The following ZNF143 variants were observed in gnomAD, a reference collection of about 807,000 sequenced individuals.
The protein encoded by ZNF143 is zinc finger protein 143, also known as SPH-binding factor.
In ZNF143, 49 loss-of-function variants were observed where a neutral mutation model predicts 74.1. That is an observed-to-expected ratio of 0.66 (90% CI 0.53 to 0.84). The LOEUF is 0.84. Among genes scored for constraint, ZNF143 ranks in the 40% least tolerant of loss-of-function variants. ZNF143 has a pLI of 0.00. For missense variants in ZNF143, 637 were observed against 793.4 expected (o/e 0.80, Z 2.37); for synonymous variants, 304 against 282.8 (o/e 1.07, Z -0.75).
At position 9,516,771 on chromosome 11, in the gene ZNF143, A is replaced by G. The variant is rs560571764; in HGVS notation, c.1686+409A>G. On this transcript the variant is annotated intron_variant, in intron 14 of 15. Transcript: ENST00000396602. ...TACAGGTATGTAATGAAAAGTCTTC[A>G]TCCCACCCCTGCCTTCATCAACTTG... is the stretch of plus-strand genomic sequence containing the variant. Among the ~76,000 whole-genome samples, 377 of 152,378 alleles carry G rather than the reference A, an allele frequency of 2.5e-3. 2 individuals carry two copies. Among genetic ancestry groups the G allele is most frequent in the Admixed American group, 4.2e-3 (65 of 15,312 alleles).
At chr11:9,519,901 A>G (rs1049027790) in intron 14 of ZNF143, among the ~76,000 whole-genome samples, 3 of 152,100 alleles carry the variant, frequency 2.0e-5, no homozygotes, top group Non-Finnish European at 2.9e-5. Context: ...TTTTTAAAAA[A>G]TAGGCTGGGC....
intron 14 of ZNF143, among the ~76,000 whole-genome samples, chr11:9,522,563 G>A (rs1021171809): frequency 1.3e-5 from 2 of 152,064 alleles, no homozygotes; most frequent in African/African-American, 4.8e-5. Context: ...GCACGCTCTC[G>A]GCTCACTGCA....
intron 1 of ZNF143, among the ~76,000 whole-genome samples, chr11:9,466,968 A>T (rs1300039021): frequency 6.6e-6 from 1 of 151,420 alleles, no homozygotes; most frequent in Non-Finnish European, 1.5e-5. Context: ...ATCTCGGCTC[A>T]CTGCAAGCTC....
intron 15 of ZNF143, among the ~76,000 whole-genome samples, chr11:9,527,163 C>T (rs535064079): frequency 2.0e-5 from 3 of 150,790 alleles, no homozygotes; most frequent in East Asian, 2.0e-4. Flanking sequence ...AGAGATGGGG[C>T]GTTTTGCCAT....
In ZNF143 at chr11:9,494,662, A is replaced by C; in HGVS notation, c.662A>C (p.His221Pro). The C allele has an allele frequency of 6.2e-7, 1 of 1,613,884 alleles. No homozygotes were observed. Residue 221 changes from histidine to proline, a missense_variant, in exon 8 of 16, where the codon CAT (histidine) becomes CCT (proline). Physicochemically the swap from His to Pro is moderately conservative, Grantham distance 77 (BLOSUM62 -2). This residue lies in a region of ZNF143 where 293 missense variants were observed against 307.8 expected (regional missense o/e 0.95). Transcript: ENST00000396602. The stretch of plus-strand genomic sequence containing the variant: ...TTTATTTAGATTGTTTTACAAGGAC[A>C]TGCTACAAGAGTAACTGCTAAATCT... Reference protein sequence around the residue: ...EKKMQIVLQGHATRVTAKSQQ... With the variant: ...EKKMQIVLQGPATRVTAKSQQ...
intron 7 of ZNF143, among the ~76,000 whole-genome samples, chr11:9,492,536 C>A (rs1194420445): frequency 6.6e-6 from 1 of 152,110 alleles, no homozygotes; most frequent in Admixed American, 6.6e-5. Context: ...TCTGAGCCAC[C>A]ACGCCTGGCA....
At chr11:9,493,172 C>T (rs761311620) in intron 7 of ZNF143, among the ~76,000 whole-genome samples, 10 of 151,190 alleles carry the variant, frequency 6.6e-5, no homozygotes, top group East Asian at 3.9e-4. Context: ...CAGGTTCAAG[C>T]GATTCTCCTG....
At chr11:9,527,178 C>T (rs1849160755) in intron 15 of ZNF143, among the ~76,000 whole-genome samples, 2 of 152,118 alleles carry the variant, frequency 1.3e-5, no homozygotes, top group Admixed American at 1.3e-4. Flanking sequence ...TGCCATGTTG[C>T]TCAGGCTGGT....
intron 10 of ZNF143, among the ~76,000 whole-genome samples, chr11:9,498,816 T>G (rs1433016050): frequency 2.6e-5 from 4 of 152,256 alleles, no homozygotes; most frequent in South Asian, 4.1e-4. Context: ...TATGGAAATA[T>G]CTGAAATAGT....
In ZNF143 at chr11:9,491,931, A is replaced by G. The variant is rs534034252; in HGVS notation, c.646-2715A>G. The stretch of plus-strand genomic sequence containing the variant: ...AGGCTTGAGCCACTGTGCCCAGCCT[A>G]CATACTATTTATTTATTTATTTGTT... On this transcript the variant is annotated intron_variant, in intron 7 of 15. Coordinates refer to ENST00000396602, the MANE Select transcript of ZNF143 (RefSeq NM_003442.6). 2.6e-5 allele frequency among the ~76,000 whole-genome samples: 4 copies of G among 151,972 alleles called. No homozygotes were observed. The South Asian group carries it at 6.2e-4, about 24-fold the overall frequency.
chr11:9,471,840 T>C (rs1269030152), intron 2 of ZNF143, among the ~76,000 whole-genome samples: 1 of 151,906 alleles, frequency 6.6e-6, no homozygotes, highest in Non-Finnish European at 1.5e-5. Flanking sequence ...GCATGAGCCA[T>C]TGCGCCCAGC....
At chr11:9,509,489 T>A (rs1848467693) in intron 12 of ZNF143, among the ~76,000 whole-genome samples, 1 of 152,208 alleles carries the variant, frequency 6.6e-6, no homozygotes. Flanking sequence ...TAAATAAGCA[T>A]AGGTAAGTAG....
chr11:9,528,510 A>G lies in ZNF143; in HGVS notation c.*897A>G, dbSNP rs878945395. 3 of 151,966 alleles carry G rather than the reference A, an allele frequency of 2.0e-5. No individual in the cohort carries two copies. The highest frequency in any genetic ancestry group is 6.6e-5 in the Admixed American group (1 of 15,234). The allele number at this position is 151,966 out of a possible 1,614,324, so 9.4% of individuals were successfully genotyped here. A position where few individuals can be genotyped will look rare whatever the true frequency, so the allele number is the denominator to read the frequency against. ...TTTATTATTAATTTTGAATACAGCA[A>G]TTTTTAAAATGTTACTTTTATATTT... On this transcript the variant is annotated 3_prime_UTR_variant, in exon 16 of 16. Coordinates refer to ENST00000396602, the MANE Select transcript of ZNF143 (RefSeq NM_003442.6).
rs1316309780 is a variant in ZNF143, at chr11:9,484,799, G to GTTTTTTTTTTTTTT, written c.645+5253_645+5254insTTTTTTTTTTTTTT. Among the ~76,000 whole-genome samples the GTTTTTTTTTTTTTT allele has an allele frequency of 1.9e-3, 45 of 24,212 alleles. 4 individuals carry two copies. Among genetic ancestry groups the GTTTTTTTTTTTTTT allele is most frequent in the African/African-American group, 2.7e-3 (14 of 5,182 alleles). 15.9% of individuals were successfully genotyped at this position (24,212 alleles called of 152,430 possible). A position where few individuals can be genotyped will look rare whatever the true frequency, so the allele number is the denominator to read the frequency against. ...GCGTGAGCCACCGCACCTGGCCAAA[G>GTTTTTTTTTTTTTT]ATTTTTTTTTTTTTTTGAGACGGAG... On this transcript the variant is annotated intron_variant, in intron 7 of 15. Transcript: ENST00000396602.
chr11:9,519,984 A>G (rs1848854935), intron 14 of ZNF143, among the ~76,000 whole-genome samples: 1 of 151,156 alleles, frequency 6.6e-6, no homozygotes, highest in African/African-American at 2.4e-5. Context: ...CCAGGATTTT[A>G]AAACCAACCT....
In ZNF143 at chr11:9,508,696, G is replaced by C; in HGVS notation, c.1225G>C (p.Val409Leu). The C allele has an allele frequency of 6.2e-7, 1 of 1,614,066 alleles. No homozygotes were observed. Among genetic ancestry groups the C allele is most frequent in the Non-Finnish European group, 8.5e-7 (1 of 1,180,014 alleles). The change falls in exon 12 of 16, where the codon GTT becomes CTT. Residue 409 changes from valine to leucine, a missense_variant. Around this residue, in one of 2 missense-constraint regions of ZNF143, gnomAD observed 344 missense variants for 485.6 expected, o/e 0.71. Coordinates refer to ENST00000396602, the MANE Select transcript of ZNF143 (RefSeq NM_003442.6). ...ATATTCCAGTTTGTACAAACATCAT[G>C]TTGTCCACACTCATTCCAAACCTTA... ...TEYSSLYKHHVVHTHSKPYNC... is the reference protein window; with the variant it reads ...TEYSSLYKHHLVHTHSKPYNC...
At chr11:9,486,355 T>TATATATAATATATATAATATATATATA (rs1251310663) in intron 7 of ZNF143, among the ~76,000 whole-genome samples, 1 of 52,094 alleles carries the variant, frequency 1.9e-5, no homozygotes, top group African/African-American at 7.9e-5. Context: ...ATATATATTA[T>TATATATAATATATATAATATATATATA]ATATATATTA....
At chr11:9,504,400 A>G (rs1021116710) in intron 11 of ZNF143, among the ~76,000 whole-genome samples, 1 of 126,988 alleles carries the variant, frequency 7.9e-6, no homozygotes, top group African/African-American at 2.5e-5. Context: ...CTTGAATCCA[A>G]GTCTCTTATT....
chr11:9,521,778 T>C (rs755830208), intron 14 of ZNF143, among the ~76,000 whole-genome samples: 1 of 152,078 alleles, frequency 6.6e-6, no homozygotes, highest in East Asian at 1.9e-4. Flanking sequence ...ATACATAGGA[T>C]CTGGGGGCCG....
Sources: gnomAD v4.1 joint callset for allele counts (sites outside exome capture counted in the v4.1 genomes callset) on GRCh38, gnomAD v4.1.1 for gene constraint, gnomAD v4.1.1 regional missense constraint, MANE v1.5 for transcripts, NCBI Gene and HGNC (gene_info 2026-07-23, HGNC 2026-07-21) for gene names.